AUTS2: variants seen among roughly 807,000 people sequenced by gnomAD.
AUTS2 encodes the protein autism susceptibility gene 2 protein.
AUTS2 carries 17 observed loss-of-function variants against 112.4 expected under a neutral mutation model. The ratio of observed to expected loss-of-function variants is 0.15; its 90% CI spans 0.10 to 0.23. AUTS2 has a LOEUF of 0.23. AUTS2 is among the 10% of genes least tolerant of loss of function. The pLI is 1.00. For synonymous variants in AUTS2, 751 were observed against 702.7 expected (o/e 1.07, Z -1.09); for missense variants, 1,510 against 1,701.6 (o/e 0.89, Z 1.98).
At chr7:70,523,845 C>T (rs1022725384) in intron 5 of AUTS2, among the ~76,000 whole-genome samples, 4 of 152,162 alleles carry the variant, frequency 2.6e-5, no homozygotes, top group Middle Eastern at 3.2e-3. Flanking sequence ...AGGCGAAAAC[C>T]GGTGAATCAG....
chr7:69,933,061 G>T (rs1796282485), intron 2 of AUTS2, among the ~76,000 whole-genome samples: 1 of 152,182 alleles, frequency 6.6e-6, no homozygotes, highest in East Asian at 1.9e-4. Context: ...GGTTACACTG[G>T]TGTGTTCAGT....
intron 1 of AUTS2, among the ~76,000 whole-genome samples, chr7:69,780,546 C>T (rs1229877163): frequency 4.6e-5 from 7 of 152,092 alleles, no homozygotes; most frequent in South Asian, 2.1e-4. Flanking sequence ...AGGAGGAGGG[C>T]GGGTAAAGAA....
At chr7:70,233,132 C>G (rs943201972) in intron 4 of AUTS2, among the ~76,000 whole-genome samples, 1 of 152,140 alleles carries the variant, frequency 6.6e-6, no homozygotes, top group African/African-American at 2.4e-5. Flanking sequence ...GAAAACTCAG[C>G]ATTTGGTTTT....
At chr7:70,605,210 G>A (rs1427476886) in intron 5 of AUTS2, among the ~76,000 whole-genome samples, 1 of 152,202 alleles carries the variant, frequency 6.6e-6, no homozygotes, top group Admixed American at 6.5e-5. Flanking sequence ...TCATAAAACA[G>A]CATTTGCCCT....
intron 5 of AUTS2, among the ~76,000 whole-genome samples, chr7:70,684,447 T>A (rs73435047): frequency 0.048 from 7,272 of 152,196 alleles, 510 homozygotes; most frequent in African/African-American, 0.15. Flanking sequence ...AATGATTTTG[T>A]CTTAGACATC....
At chr7:69,933,363 G>T (rs1317723328) in intron 2 of AUTS2, among the ~76,000 whole-genome samples, 1 of 152,198 alleles carries the variant, frequency 6.6e-6, no homozygotes, top group Non-Finnish European at 1.5e-5. Context: ...TTATGTAATA[G>T]ATTTATGCTT....
In AUTS2 at chr7:70,687,483, C is replaced by G. The variant is rs567209485; in HGVS notation, c.691-11086C>G. 2.6e-5 allele frequency among the ~76,000 whole-genome samples: 4 copies of G among 152,216 alleles called. No homozygotes were observed. In the South Asian group the frequency reaches 8.3e-4, roughly 32 times the overall value. The stretch of plus-strand genomic sequence containing the variant: ...GATATATTTTATGGATTTTTTAATA[C>G]TTTTTCCCCTTTGTAGTTTATAGTA... On this transcript the variant is annotated intron_variant, in intron 5 of 18. Transcript: ENST00000342771.
At chr7:70,001,645 C>G (rs144772894) in intron 2 of AUTS2, among the ~76,000 whole-genome samples, 1 of 152,004 alleles carries the variant, frequency 6.6e-6, no homozygotes, top group Non-Finnish European at 1.5e-5. Context: ...TAAGGTAATA[C>G]CTGCCTGTCT....
chr7:70,080,641 T>C (rs1312632746), intron 2 of AUTS2, among the ~76,000 whole-genome samples: 2 of 152,214 alleles, frequency 1.3e-5, no homozygotes, highest in Non-Finnish European at 2.9e-5. Context: ...AGGAGCTGGT[T>C]GTTAAGTATT....
chr7:70,237,673 C>T (rs566774597), intron 4 of AUTS2, among the ~76,000 whole-genome samples: 10 of 152,176 alleles, frequency 6.6e-5, no homozygotes, highest in African/African-American at 2.2e-4. Context: ...GTGAAATTCC[C>T]GTCAAATGTA....
At chr7:69,984,754 C>T (rs1279701301) in intron 2 of AUTS2, among the ~76,000 whole-genome samples, 1 of 152,154 alleles carries the variant, frequency 6.6e-6, no homozygotes, top group Non-Finnish European at 1.5e-5. Flanking sequence ...CACTCCTCTT[C>T]CTGCCTGTTA....
chr7:70,230,892 A>G (rs947188098), intron 4 of AUTS2, among the ~76,000 whole-genome samples: 5 of 152,152 alleles, frequency 3.3e-5, no homozygotes, highest in Admixed American at 6.5e-5. Flanking sequence ...TTCCACATAA[A>G]ATCAGTCATT....
intron 1 of AUTS2, among the ~76,000 whole-genome samples, chr7:69,671,790 C>CTATTTTATTTTATTT (rs527590074): frequency 3.9e-5 from 6 of 151,916 alleles, no homozygotes; most frequent in African/African-American, 1.5e-4. Context: ...TATTTTTGTC[C>CTATTTTATTTTATTT]TATTTTATTT....
intron 4 of AUTS2, among the ~76,000 whole-genome samples, chr7:70,148,877 CTAG>C (rs1807275054): frequency 1.3e-5 from 2 of 151,956 alleles, no homozygotes; most frequent in Admixed American, 1.3e-4. Context: ...TAAAACAAAG[CTAG>C]TAAAGAATGT....
chr7:69,607,868 T>C (rs1320084741), intron 1 of AUTS2, among the ~76,000 whole-genome samples: 1 of 152,226 alleles, frequency 6.6e-6, no homozygotes, highest in African/African-American at 2.4e-5. Context: ...TGCTATTAAC[T>C]GAAGCACAGC....
chr7:69,624,848 G>A (rs932095786), intron 1 of AUTS2, among the ~76,000 whole-genome samples: 32 of 152,200 alleles, frequency 2.1e-4, no homozygotes, highest in Admixed American at 6.5e-4. Flanking sequence ...GTGCACAAAG[G>A]AACTGAAATC....
At chr7:70,778,370 C>T (rs930329919) in intron 14 of AUTS2, among the ~76,000 whole-genome samples, 3 of 152,100 alleles carry the variant, frequency 2.0e-5, no homozygotes, top group Admixed American at 2.0e-4. Context: ...TTTGGGAGTT[C>T]TCATGAAAGA....
In AUTS2 at chr7:70,213,354, C is replaced by G. The variant is rs1311440288; in HGVS notation, c.660+78783C>G. Among the ~76,000 whole-genome samples, 4 of 148,154 alleles carry G rather than the reference C, an allele frequency of 2.7e-5. No homozygotes were observed. In the East Asian group the frequency reaches 7.9e-4, roughly 29 times the overall value. On this transcript the variant is annotated intron_variant, in intron 4 of 18. Coordinates refer to ENST00000342771, the MANE Select transcript of AUTS2 (RefSeq NM_015570.4). ...CCAGCCTGGTTAACGATACAAGACC[C>G]CCTTTCTAAAAAAAAAAAAAAAAAA...
chr7:70,377,896 AAGT>A (rs1347358191), intron 4 of AUTS2, among the ~76,000 whole-genome samples: 1 of 149,894 alleles, frequency 6.7e-6, no homozygotes, highest in Non-Finnish European at 1.5e-5. Context: ...TCAGCCTCCC[AAGT>A]AGCTGGGACT....
Sources: gnomAD v4.1 joint callset for allele counts (sites outside exome capture counted in the v4.1 genomes callset) on GRCh38, gnomAD v4.1.1 for gene constraint, MANE v1.5 for transcripts, NCBI Gene and HGNC (gene_info 2026-07-23, HGNC 2026-07-21) for gene names.